Variants in SEC23IP observed in about 807,000 individuals in gnomAD.
SEC23IP encodes the protein SEC23-interacting protein.
Under a neutral mutation model 113.4 loss-of-function variants are expected in SEC23IP, and 70 were observed. The ratio of observed to expected loss-of-function variants is 0.62; its 90% CI spans 0.51 to 0.75. The LOEUF (loss-of-function observed/expected upper bound fraction) is 0.75. Ranked by LOEUF, SEC23IP falls within the 30% of genes least tolerant of loss-of-function variation. SEC23IP has a pLI of 0.00. For missense variants in SEC23IP, 1,160 were observed against 1,204.9 expected (o/e 0.96, Z 0.55); for synonymous variants, 398 against 421.0 (o/e 0.95, Z 0.67).
intron 2 of SEC23IP, among the ~76,000 whole-genome samples, chr10:119,901,721 C>T (rs991573624): frequency 6.6e-6 from 1 of 152,130 alleles, no homozygotes; most frequent in Admixed American, 6.5e-5. Context: ...GACAGAGTCT[C>T]TGTCACTCAG....
Position 119,941,680 on chromosome 10 carries a change from T to A in SEC23IP, c.*1115T>A, listed in dbSNP as rs891520751. 1 of 152,712 alleles carries A rather than the reference T, an allele frequency of 6.5e-6. No homozygotes were observed. Among genetic ancestry groups the A allele is most frequent in the Admixed American group, 6.5e-5 (1 of 15,286 alleles). The allele number at this position is 152,712 out of a possible 1,614,324, so 9.5% of individuals were successfully genotyped here. A position where few individuals can be genotyped will look rare whatever the true frequency, so the allele number is the denominator to read the frequency against. The stretch of plus-strand genomic sequence containing the variant: ...ATATATGATACACATTTTTTGTGTA[T>A]GTATTCTAATTAGTGTGAATAAAGC... On this transcript the variant is annotated 3_prime_UTR_variant, in exon 19 of 19. Coordinates refer to ENST00000369075, the MANE Select transcript of SEC23IP (RefSeq NM_007190.4).
chr10:119,938,635 A>T (rs573911453), intron 18 of SEC23IP, among the ~76,000 whole-genome samples: 1 of 152,314 alleles, frequency 6.6e-6, no homozygotes, highest in South Asian at 2.1e-4. Context: ...AGTATACCAT[A>T]GTCTTTGCAG....
chr10:119,894,528 C>G (rs963076565), intron 1 of SEC23IP, among the ~76,000 whole-genome samples: 2 of 152,144 alleles, frequency 1.3e-5, no homozygotes, highest in Non-Finnish European at 2.9e-5. Flanking sequence ...TTCCCACTGC[C>G]TAGAATGGTG....
chr10:119,903,305 G>T (rs1854557360), intron 3 of SEC23IP, among the ~76,000 whole-genome samples: 1 of 152,102 alleles, frequency 6.6e-6, no homozygotes. Flanking sequence ...TAGTTATGGG[G>T]GCATTTATAA....
At position 119,937,380 on chromosome 10, in the gene SEC23IP, C is replaced by G. The variant is rs531050743; in HGVS notation, c.*21-3206C>G. ...ATGGCTCACGCCTGTAATCCCAGCA[C>G]TTTGGCAGGCCGAGGTGGACGGATC... On this transcript the variant is annotated intron_variant, in intron 18 of 18. Coordinates refer to ENST00000369075, the MANE Select transcript of SEC23IP (RefSeq NM_007190.4). Among the ~76,000 whole-genome samples the G allele has an allele frequency of 1.8e-3, 268 of 152,064 alleles. 1 individual carries two copies. The highest frequency in any genetic ancestry group is 6.3e-3 in the African/African-American group (263 of 41,534).
At chr10:119,932,388 G>C in intron 16 of SEC23IP, 70 bp downstream of exon 16, 3 of 1,183,668 alleles carry the variant, frequency 2.5e-6, no homozygotes, top group Non-Finnish European at 3.6e-6. Flanking sequence ...AAAGTTATAT[G>C]ATGATGCATT....
intron 16 of SEC23IP, 89 bp from the exon 17 acceptor site, chr10:119,932,916 A>C: frequency 8.7e-7 from 1 of 1,144,674 alleles, no homozygotes; most frequent in Non-Finnish European, 1.3e-6. Context: ...TGCGTCAAGC[A>C]GTATTCTCAT....
At chr10:119,938,144 A>G (rs1855856534) in intron 18 of SEC23IP, among the ~76,000 whole-genome samples, 1 of 149,284 alleles carries the variant, frequency 6.7e-6, no homozygotes, top group Non-Finnish European at 1.5e-5. Flanking sequence ...AAAAAAAAAA[A>G]AATTTAAGTC....
intron 2 of SEC23IP, 136 bp from the exon 3 acceptor site, chr10:119,902,663 T>C: frequency 1.4e-6 from 1 of 720,628 alleles, no homozygotes; most frequent in Non-Finnish European, 2.3e-6. Context: ...TAAAATTGCT[T>C]TGGGGTCTAG....
chr10:119,923,996 C>T (rs548247637), intron 12 of SEC23IP, among the ~76,000 whole-genome samples: 1 of 152,334 alleles, frequency 6.6e-6, no homozygotes, highest in Non-Finnish European at 1.5e-5. Flanking sequence ...ACAGGAGGTA[C>T]TTCTGAGTGA....
At chr10:119,900,821 G>A (rs1004908242) in intron 2 of SEC23IP, among the ~76,000 whole-genome samples, 3 of 151,990 alleles carry the variant, frequency 2.0e-5, no homozygotes, top group Admixed American at 2.0e-4. Flanking sequence ...AATCGTTTTT[G>A]TAGAAAATTT....
At position 119,902,608 on chromosome 10, in the gene SEC23IP, C is replaced by G. The variant is rs551761177; in HGVS notation, c.697-191C>G. Among the ~76,000 whole-genome samples the G allele has an allele frequency of 2.6e-5, 4 of 152,208 alleles. No homozygotes were observed. In the East Asian group the frequency reaches 7.7e-4, roughly 29 times the overall value. On this transcript the variant is annotated intron_variant, in intron 2 of 18. Coordinates refer to ENST00000369075, the MANE Select transcript of SEC23IP (RefSeq NM_007190.4). ...GGGTATAGATATCCCTCACCTCAAG[C>G]ATTTATCCTTGATTTGGGGTTTTGT...
Position 119,904,207 on chromosome 10 carries a change from C to G in SEC23IP, c.1031C>G (p.Thr344Ser), listed in dbSNP as rs776456012. 1.2e-6 allele frequency: 2 copies of G among 1,614,190 alleles called. No homozygotes were observed. The highest frequency in any genetic ancestry group is 1.7e-5 in the Admixed American group (1 of 60,026). ...GAGCCAGCCGAAGTGAGACGCTGTA[C>G]TTGGTTTTACAAGGGGGACACAGAT... ...EEEPAEVRRC[T>S]WFYKGDTDSR... Residue 344 changes from threonine (T) to serine (S), a missense_variant, in exon 4 of 19, where the codon ACT becomes AGT. Physicochemically the swap from Thr to Ser is moderately conservative, Grantham distance 58 (BLOSUM62 1). Coordinates refer to ENST00000369075, the MANE Select transcript of SEC23IP (RefSeq NM_007190.4).
At chr10:119,910,989 T>C (rs1564911777) in intron 5 of SEC23IP, among the ~76,000 whole-genome samples, 1 of 143,618 alleles carries the variant, frequency 7.0e-6, no homozygotes, top group African/African-American at 2.5e-5. Flanking sequence ...TTGGCTAACC[T>C]TTTTTTTTTT....
At chr10:119,897,363 G>A (rs1429976671) in intron 1 of SEC23IP, among the ~76,000 whole-genome samples, 1 of 152,226 alleles carries the variant, frequency 6.6e-6, no homozygotes. Context: ...TAAATTATTT[G>A]GAGTCGTTAA....
At position 119,902,919 on chromosome 10, in the gene SEC23IP, TGGTTTTACTGCAAG is replaced by T. The variant is rs1213816877; in HGVS notation, c.819_832del (p.Trp273Ter). ...CCAATATGAGCCTGTTCAGCCCCACTGGTTTTACTGCAAGGAGGTAGAATACAAACAACTGTGGA... is the reference window on the plus strand; with the variant it reads ...CCAATATGAGCCTGTTCAGCCCCACTGAGGTAGAATACAAACAACTGTGGA... On this transcript the variant is annotated frameshift_variant, in exon 3 of 19. Transcript: ENST00000369075. LOFTEE classifies it high-confidence loss of function. 6.2e-7 allele frequency: 1 copy of T among 1,614,128 alleles called. No individual in the cohort carries two copies. The highest frequency in any genetic ancestry group is 8.5e-7 in the Non-Finnish European group (1 of 1,180,046).
chr10:119,936,034 A>T (rs1855767519), intron 18 of SEC23IP, among the ~76,000 whole-genome samples: 1 of 152,248 alleles, frequency 6.6e-6, no homozygotes, highest in Non-Finnish European at 1.5e-5. Context: ...TATTAGTATG[A>T]ACAGTACTAC....
At chr10:119,906,631 A>G (rs1854675951) in intron 4 of SEC23IP, among the ~76,000 whole-genome samples, 1 of 152,112 alleles carries the variant, frequency 6.6e-6, no homozygotes, top group Non-Finnish European at 1.5e-5. Context: ...GGTGGAGTGC[A>G]GTGGCGTGAT....
intron 13 of SEC23IP, among the ~76,000 whole-genome samples, chr10:119,927,186 C>T (rs1179962582): frequency 6.6e-6 from 1 of 152,244 alleles, no homozygotes; most frequent in East Asian, 1.9e-4. Flanking sequence ...GCATGAGCTA[C>T]TGCATCGGGC....
Sources: allele counts gnomAD v4.1 joint callset (sites outside exome capture counted in the v4.1 genomes callset), GRCh38; gene constraint gnomAD v4.1.1; transcripts MANE v1.5; gene names NCBI Gene and HGNC (gene_info 2026-07-23, HGNC 2026-07-21).